The following CENPP variants were observed in gnomAD, a reference collection of about 807,000 sequenced individuals.
CENPP encodes the protein centromere protein P.
A neutral mutation model predicts 35.6 loss-of-function variants in CENPP; 24 were observed. The ratio of observed to expected loss-of-function variants is 0.67; its 90% CI spans 0.49 to 0.95. The LOEUF is 0.95. Among genes scored for constraint, CENPP ranks in the 40% least tolerant of loss-of-function variants. The pLI is 0.00. For synonymous variants in CENPP, 120 were observed against 125.5 expected (o/e 0.96, Z 0.29); for missense variants, 332 against 345.3 (o/e 0.96, Z 0.31).
chr9:92,413,283 G>A (rs962743592), intron 5 of CENPP, among the ~76,000 whole-genome samples: 1 of 152,004 alleles, frequency 6.6e-6, no homozygotes, highest in Admixed American at 6.6e-5. Flanking sequence ...TAATGCGCCC[G>A]ACTATATGTA....
intron 5 of CENPP, among the ~76,000 whole-genome samples, chr9:92,535,618 G>C (rs930776387): frequency 1.3e-5 from 2 of 151,860 alleles, no homozygotes; most frequent in Admixed American, 1.3e-4. Flanking sequence ...GATTTAAAAT[G>C]AAAAATATTT....
intron 5 of CENPP, among the ~76,000 whole-genome samples, chr9:92,432,248 C>G (rs1391808411): frequency 6.6e-6 from 1 of 151,902 alleles, no homozygotes; most frequent in Non-Finnish European, 1.5e-5. Context: ...TCGCTTGAAC[C>G]TGGGAGGCAG....
At position 92,551,940 on chromosome 9, in the gene CENPP, TATATATATATATG is replaced by T. The variant is rs1179441920; in HGVS notation, c.565-59363_565-59351del. 8.8e-5 allele frequency among the ~76,000 whole-genome samples: 10 copies of T among 113,386 alleles called. 1 individual carries two copies. The highest frequency in any genetic ancestry group is 3.2e-4 in the African/African-American group (8 of 25,282). The allele number at this position is 113,386 out of a possible 152,430, so 74.4% of individuals were successfully genotyped here. A position where few individuals can be genotyped will look rare whatever the true frequency, so the allele number is the denominator to read the frequency against. The stretch of plus-strand genomic sequence containing the variant: ...TGGTGTGTGTGTATATATATATATA[TATATATATATATG>T]ATATATATATGTGTGATATATATGT... On this transcript the variant is annotated intron_variant, in intron 5 of 7. Transcript: ENST00000375587.
At chr9:92,511,949 C>A in intron 5 of CENPP, 1 of 1,298,772 alleles carries the variant, frequency 7.7e-7, no homozygotes, top group Non-Finnish European at 1.1e-6. Context: ...TCCCCATCTC[C>A]AACCAATGCA....
chr9:92,599,940 G>A (rs1052321350), intron 5 of CENPP, among the ~76,000 whole-genome samples: 1 of 152,140 alleles, frequency 6.6e-6, no homozygotes, highest in African/African-American at 2.4e-5. Context: ...CTTCCCTGGG[G>A]GACCAGTGGG....
rs759385714 is a variant in CENPP, at chr9:92,337,532, G to T, written c.290-9G>T. The T allele has an allele frequency of 3.3e-6, 5 of 1,521,670 alleles. No individual in the cohort carries two copies. The highest frequency in any genetic ancestry group is 3.6e-6 in the Non-Finnish European group (4 of 1,098,012). 94.3% of individuals were successfully genotyped at this position (1,521,670 alleles called of 1,614,324 possible). On this transcript the variant is annotated splice_polypyrimidine_tract_variant and intron_variant, in intron 2 of 7. Transcript: ENST00000375587. Reference sequence around the variant, plus strand: ...TTGCAAACAAAATATTTGTTTTTCTGCTTTACAGGTATTAGAAAAGTTCTA... The same window carrying T: ...TTGCAAACAAAATATTTGTTTTTCTTCTTTACAGGTATTAGAAAAGTTCTA...
Position 92,470,241 on chromosome 9 carries a change from A to G in CENPP, c.564+90382A>G, listed in dbSNP as rs550849805. 6.5e-4 allele frequency among the ~76,000 whole-genome samples: 99 copies of G among 152,348 alleles called. 4 individuals carry two copies. The South Asian group carries it at 0.013, about 20-fold the overall frequency. On this transcript the variant is annotated intron_variant, in intron 5 of 7. Transcript: ENST00000375587. Reference sequence around the variant, plus strand: ...TTTAAAGATCCAATAAATAAGCCATACATGTATATATTAATCAATCAGATA... The same window carrying G: ...TTTAAAGATCCAATAAATAAGCCATGCATGTATATATTAATCAATCAGATA...
chr9:92,502,846 T>C (rs230223), intron 5 of CENPP, among the ~76,000 whole-genome samples: 128,457 of 144,452 alleles, frequency 0.89, 57,307 homozygotes, highest in East Asian at 0.95. Flanking sequence ...CTCACTTTGT[T>C]ACGCAGGATG....
chr9:92,511,248 C>T (rs921279270), intron 5 of CENPP, among the ~76,000 whole-genome samples: 6 of 152,086 alleles, frequency 3.9e-5, no homozygotes, highest in African/African-American at 1.4e-4. Flanking sequence ...GCCTCAGCCT[C>T]CCGAGTAGCT....
chr9:92,433,889 C>T (rs975256749), intron 5 of CENPP, among the ~76,000 whole-genome samples: 6 of 151,446 alleles, frequency 4.0e-5, no homozygotes, highest in South Asian at 4.2e-4. Flanking sequence ...GCCAAGATCG[C>T]GCCATTGCAC....
chr9:92,459,959 T>C, intron 5 of CENPP, among the ~76,000 whole-genome samples: 1 of 152,180 alleles, frequency 6.6e-6, no homozygotes, highest in East Asian at 1.9e-4. Flanking sequence ...GTCAGAAAAT[T>C]CTTTGACCTA....
At chr9:92,508,109 A>G (rs921867416) in intron 5 of CENPP, among the ~76,000 whole-genome samples, 6 of 152,052 alleles carry the variant, frequency 3.9e-5, no homozygotes, top group East Asian at 1.9e-4. Context: ...CTGCTTCCAC[A>G]CAGAAGCAGG....
chr9:92,414,604 T>G (rs1843533356), intron 5 of CENPP: 1 of 208,964 alleles, frequency 4.8e-6, no homozygotes, highest in South Asian at 1.9e-4. Context: ...TCATTCTATG[T>G]GCTATGTGGT....
intron 5 of CENPP, among the ~76,000 whole-genome samples, chr9:92,475,674 A>C (rs1216791209): frequency 6.6e-6 from 1 of 152,230 alleles, no homozygotes; most frequent in Non-Finnish European, 1.5e-5. Flanking sequence ...ATTTTTCCTT[A>C]ACTGATTTCT....
chr9:92,561,329 T>C (rs879518851), intron 5 of CENPP, among the ~76,000 whole-genome samples: 6 of 152,312 alleles, frequency 3.9e-5, no homozygotes, highest in Admixed American at 3.9e-4. Context: ...TCCCTTATTG[T>C]AGATAATTCA....
intron 5 of CENPP, among the ~76,000 whole-genome samples, chr9:92,559,303 C>T (rs1849797101): frequency 3.3e-5 from 5 of 152,230 alleles, no homozygotes; most frequent in Admixed American, 3.3e-4. Context: ...TTTTCTGCTG[C>T]TTCCTCTACC....
intron 6 of CENPP, 71 bp from the exon 7 acceptor site, chr9:92,612,452 C>G (rs1039462685): frequency 5.8e-6 from 7 of 1,197,016 alleles, no homozygotes; most frequent in Non-Finnish European, 8.7e-6. Flanking sequence ...AGACCAGGTG[C>G]GACTCATGGT....
intron 5 of CENPP, among the ~76,000 whole-genome samples, chr9:92,478,108 AT>A (rs146411909): frequency 0.021 from 3,094 of 150,680 alleles, 99 homozygotes; most frequent in African/African-American, 0.065. Context: ...TAAGCAAAGC[AT>A]TTTTTTTTTC....
At chr9:92,390,587 T>TGCGCGC (rs1554756507) in intron 5 of CENPP, among the ~76,000 whole-genome samples, 10 of 141,914 alleles carry the variant, frequency 7.0e-5, no homozygotes, top group African/African-American at 1.7e-4. Flanking sequence ...TGTGTGTGTG[T>TGCGCGC]GCGCGCGCGC....
Sources: allele counts gnomAD v4.1 joint callset (sites outside exome capture counted in the v4.1 genomes callset), GRCh38; gene constraint gnomAD v4.1.1; transcripts MANE v1.5; gene names NCBI Gene and HGNC (gene_info 2026-07-23, HGNC 2026-07-21).